AFF2: variants seen among roughly 807,000 people sequenced by gnomAD.
AFF2 encodes the protein AF4/FMR2 family member 2.
Under a neutral mutation model 76.9 loss-of-function variants are expected in AFF2, and 14 were observed. The ratio of observed to expected loss-of-function variants is 0.18; its 90% CI spans 0.12 to 0.28. AFF2 has a LOEUF of 0.28. AFF2 is among the 10% of genes least tolerant of loss of function. The probability of loss-of-function intolerance (pLI) is 1.00; values close to 1 mark genes in which losing one functional copy is unlikely to be tolerated. For missense variants in AFF2, 868 were observed against 1,001.1 expected, an observed-to-expected ratio of 0.87 and a Z score of 1.79; for synonymous variants, 398 against 366.7, an observed-to-expected ratio of 1.09 and a Z score of -0.98.
intron 19 of AFF2, among the ~76,000 whole-genome samples, chrX:148,983,933 A>G (rs968647973): frequency 2.0e-5 from 2 of 98,601 alleles, no homozygotes; most frequent in Non-Finnish European, 4.1e-5. Flanking sequence ...ATACTGAAGT[A>G]TGGCACAGAG....
chrX:148,695,064 C>A (rs1339194543), intron 3 of AFF2, among the ~76,000 whole-genome samples: 1 of 110,820 alleles, frequency 9.0e-6, no homozygotes, highest in Non-Finnish European at 1.9e-5. Context: ...GATCCACCTG[C>A]CTCTGCCTCC....
intron 3 of AFF2, among the ~76,000 whole-genome samples, chrX:148,739,927 A>C (rs1369518433): frequency 8.9e-6 from 1 of 111,958 alleles, no homozygotes; most frequent in Non-Finnish European, 1.9e-5. Flanking sequence ...CACTGGATAC[A>C]AAATTCTTGG....
intron 1 of AFF2, among the ~76,000 whole-genome samples, chrX:148,646,894 G>A (rs919949982): frequency 8.9e-6 from 1 of 111,938 alleles, no homozygotes; most frequent in Non-Finnish European, 1.9e-5. Flanking sequence ...AAATAATGAT[G>A]GCCTGTTTTG....
In AFF2 at chrX:148,991,501, C is replaced by T. The variant is rs1438069062; in HGVS notation, c.*169C>T. ...CAGAAGTCATTGTAAGTTGACACTACAACTTAAGGGCAGTGTACGTTTTAT... is the reference window on the plus strand; with the variant it reads ...CAGAAGTCATTGTAAGTTGACACTATAACTTAAGGGCAGTGTACGTTTTAT... On this transcript the variant is annotated 3_prime_UTR_variant, in exon 21 of 21. Transcript: ENST00000370460. The T allele has an allele frequency of 2.3e-5, 13 of 553,571 alleles. No homozygotes were observed. Among genetic ancestry groups the T allele is most frequent in the Non-Finnish European group, 2.6e-6 (1 of 380,857 alleles). 45.6% of individuals were successfully genotyped at this position (553,571 alleles called of 1,213,427 possible). A position where few individuals can be genotyped will look rare whatever the true frequency, so the allele number is the denominator to read the frequency against.
chrX:148,599,507 GC>G (rs2053606564), intron 1 of AFF2, among the ~76,000 whole-genome samples: 2 of 110,818 alleles, frequency 1.8e-5, no homozygotes, highest in African/African-American at 6.6e-5. Context: ...TTTGTGGTCA[GC>G]GTTATGAATG....
At chrX:148,606,505 A>AG (rs1296576762) in intron 1 of AFF2, among the ~76,000 whole-genome samples, 1 of 110,435 alleles carries the variant, frequency 9.1e-6, no homozygotes, top group Non-Finnish European at 1.9e-5. Flanking sequence ...TAATTAAAAA[A>AG]AAAAAGTCAA....
intron 9 of AFF2, among the ~76,000 whole-genome samples, chrX:148,908,345 A>G (rs2071432156): frequency 8.9e-6 from 1 of 112,252 alleles, no homozygotes; most frequent in South Asian, 3.7e-4. Context: ...TTATATTCAG[A>G]GATTGCAGTA....
intron 3 of AFF2, among the ~76,000 whole-genome samples, chrX:148,664,216 A>C (rs2124471206): frequency 8.9e-6 from 1 of 111,934 alleles, no homozygotes; most frequent in African/African-American, 3.3e-5. Flanking sequence ...CATCACTTCC[A>C]GGGAAAAGTC....
chrX:148,966,754 G>T, intron 13 of AFF2, 36 bp from the exon 14 acceptor site: 1 of 1,200,056 alleles, frequency 8.3e-7, no homozygotes, highest in Non-Finnish European at 1.1e-6. Flanking sequence ...TAAAAAGCTG[G>T]ACCTAATGGA....
At chrX:148,945,260 A>C (rs1557285989) in intron 9 of AFF2, among the ~76,000 whole-genome samples, 1 of 112,069 alleles carries the variant, frequency 8.9e-6, no homozygotes, top group East Asian at 2.8e-4. Flanking sequence ...ATCCCAGCTT[A>C]TCAGAAGGAA....
chrX:148,829,468 A>C (rs2124658112), intron 4 of AFF2, among the ~76,000 whole-genome samples: 1 of 112,108 alleles, frequency 8.9e-6, no homozygotes, highest in African/African-American at 3.2e-5. Context: ...GCAAACAATC[A>C]GACAAATTGG....
chrX:148,948,343 A>G (rs2071924916), intron 9 of AFF2, among the ~76,000 whole-genome samples: 1 of 111,903 alleles, frequency 8.9e-6, no homozygotes, highest in South Asian at 3.7e-4. Context: ...TGGATTGCAC[A>G]AATGCCTCCT....
chrX:148,812,962 G>T (rs1192060502), intron 4 of AFF2, among the ~76,000 whole-genome samples: 1 of 111,952 alleles, frequency 8.9e-6, no homozygotes, highest in Non-Finnish European at 1.9e-5. Context: ...AGCCCACCTT[G>T]TCTGGTCTTC....
chrX:148,506,208 A>C (rs1447196309), intron 1 of AFF2, among the ~76,000 whole-genome samples: 1 of 111,205 alleles, frequency 9.0e-6, no homozygotes, highest in Non-Finnish European at 1.9e-5. Flanking sequence ...GATGGAGCTG[A>C]CTCCAGAGCC....
chrX:148,701,239 C>G (rs1412915972), intron 3 of AFF2, among the ~76,000 whole-genome samples: 4 of 111,464 alleles, frequency 3.6e-5, no homozygotes, highest in African/African-American at 1.3e-4. Context: ...AAGGGATGTG[C>G]TAGTAAGCAT....
At chrX:148,630,965 T>G (rs1557252969) in intron 1 of AFF2, among the ~76,000 whole-genome samples, 1 of 112,315 alleles carries the variant, frequency 8.9e-6, no homozygotes, top group Non-Finnish European at 1.9e-5. Context: ...TTTCATAATC[T>G]TTCTTCCTCT....
In AFF2 at chrX:148,956,099, G is replaced by C; in HGVS notation, c.2054G>C (p.Arg685Thr). Residue 685 changes from arginine to threonine, a missense_variant, in exon 11 of 21, where the codon AGA becomes ACA. Physicochemically the swap from Arg to Thr is moderately conservative, Grantham distance 71 (BLOSUM62 -1). Around this residue, in one of 6 missense-constraint regions of AFF2, gnomAD observed 532 missense variants for 564.2 expected, o/e 0.94. Transcript: ENST00000370460. Reference protein sequence around the residue: ...AHKPAPRKEPRPNIPLAPEKK... With the variant: ...AHKPAPRKEPTPNIPLAPEKK... ...AAACCAGCCCCTAGGAAAGAACCAA[G>C]ACCTAACATCCCTTTGGCTCCCGAG... is the stretch of plus-strand genomic sequence containing the variant. 8.3e-7 allele frequency: 1 copy of C among 1,210,390 alleles called. No homozygotes were observed. The highest frequency in any genetic ancestry group is 1.1e-6 in the Non-Finnish European group (1 of 895,190).
intron 1 of AFF2, among the ~76,000 whole-genome samples, chrX:148,523,147 A>G (rs2052619709): frequency 8.9e-6 from 1 of 112,478 alleles, no homozygotes; most frequent in Non-Finnish European, 1.9e-5. Context: ...GCTAATGTTA[A>G]TATCAATTTT....
At chrX:148,526,366 GTT>G (rs34179499) in intron 1 of AFF2, among the ~76,000 whole-genome samples, 108 of 62,738 alleles carry the variant, frequency 1.7e-3, no homozygotes, top group African/African-American at 4.9e-3. Context: ...ATACAATCTT[GTT>G]TTTTTTTTTT....
Sources: gnomAD v4.1 joint callset for allele counts (sites outside exome capture counted in the v4.1 genomes callset) on GRCh38, gnomAD v4.1.1 for gene constraint, gnomAD v4.1.1 regional missense constraint, MANE v1.5 for transcripts, NCBI Gene and HGNC (gene_info 2026-07-23, HGNC 2026-07-21) for gene names.